CDK14: variants seen among roughly 807,000 people sequenced by gnomAD.
CDK14 encodes the protein cyclin-dependent kinase 14.
Under a neutral mutation model 60.7 loss-of-function variants are expected in CDK14, and 34 were observed. The observed-to-expected ratio is 0.56, with a 90% confidence interval of 0.43 to 0.75. The LOEUF (loss-of-function observed/expected upper bound fraction) is 0.75. Ranked by LOEUF, CDK14 falls within the 30% of genes least tolerant of loss-of-function variation. The pLI is 0.00. For synonymous variants in CDK14, 197 were observed against 203.7 expected (o/e 0.97, Z 0.28); for missense variants, 482 against 564.1 (o/e 0.85, Z 1.47).
chr7:91,003,480 G>A (rs144362299), intron 10 of CDK14, among the ~76,000 whole-genome samples: 7 of 152,228 alleles, frequency 4.6e-5, no homozygotes, highest in African/African-American at 1.2e-4. Context: ...AAAATAAATC[G>A]TTTGTTCCTT....
At chr7:90,863,059 C>A (rs542061753) in intron 5 of CDK14, 116 bp from the exon 6 acceptor site, 2 of 548,352 alleles carry the variant, frequency 3.6e-6, no homozygotes, top group African/African-American at 2.0e-5. Context: ...TTGTTATTGA[C>A]TTGGAACATG....
intron 11 of CDK14, among the ~76,000 whole-genome samples, chr7:91,057,105 C>A (rs1432805703): frequency 3.3e-5 from 5 of 152,276 alleles, no homozygotes; most frequent in African/African-American, 1.2e-4. Flanking sequence ...GCCATTCTAA[C>A]TGGTGTGAGA....
intron 4 of CDK14, among the ~76,000 whole-genome samples, chr7:90,780,501 T>G (rs1231116969): frequency 2.0e-5 from 3 of 151,042 alleles, no homozygotes; most frequent in South Asian, 4.2e-4. Context: ...TGTATACATG[T>G]GCCATGTTGG....
chr7:90,747,272 T>A (rs746919574), intron 3 of CDK14, among the ~76,000 whole-genome samples: 8 of 152,212 alleles, frequency 5.3e-5, no homozygotes, highest in Non-Finnish European at 1.0e-4. Flanking sequence ...GGCCACAGTT[T>A]GCCAGCTCCT....
intron 8 of CDK14, among the ~76,000 whole-genome samples, chr7:90,946,628 C>G (rs1013710581): frequency 1.3e-5 from 2 of 152,080 alleles, no homozygotes; most frequent in African/African-American, 2.4e-5. Context: ...CCTCTTAGTT[C>G]ATGTTTGAAA....
intron 7 of CDK14, 92 bp from the exon 8 acceptor site, chr7:90,917,509 C>T (rs919062069): frequency 8.1e-6 from 10 of 1,229,310 alleles, no homozygotes; most frequent in South Asian, 3.9e-5. Context: ...ACCCATTTTC[C>T]CTAAATATTA....
At chr7:91,039,697 C>T (rs1427932042) in intron 10 of CDK14, among the ~76,000 whole-genome samples, 1 of 152,100 alleles carries the variant, frequency 6.6e-6, no homozygotes, top group Non-Finnish European at 1.5e-5. Context: ...TGTCCTTGGC[C>T]ACTCTTATAA....
At chr7:90,723,408 AAGGTTGTTTGCAGGCC>A (rs1802526394) in intron 2 of CDK14, among the ~76,000 whole-genome samples, 3 of 152,058 alleles carry the variant, frequency 2.0e-5, no homozygotes. Context: ...CTTGACTCAC[AAGGTTGTTTGCAGGCC>A]CTAGTCTTTC....
chr7:90,671,012 G>A (rs932047098), intron 2 of CDK14, among the ~76,000 whole-genome samples: 8 of 152,122 alleles, frequency 5.3e-5, no homozygotes, highest in Non-Finnish European at 8.8e-5. Flanking sequence ...AAAGAATAGG[G>A]GAGGTTTTTA....
Position 90,955,816 on chromosome 7 carries a change from T to G in CDK14, c.946T>G (p.Trp316Gly). The G allele has an allele frequency of 3.7e-6, 6 of 1,612,830 alleles. No homozygotes were observed. Among genetic ancestry groups the G allele is most frequent in the Non-Finnish European group, 5.1e-6 (6 of 1,179,104 alleles). The part of the protein sequence containing the change: ...STEYSTCLDM[W>G]GVGCIFVEMI... Reference sequence around the variant, plus strand: ...AGAATATTCCACCTGCCTTGACATGTGGTGAGAAATGGAAGCTTTACTCTA... The same window carrying G: ...AGAATATTCCACCTGCCTTGACATGGGGTGAGAAATGGAAGCTTTACTCTA... The change falls in exon 9 of 15, where the codon TGG becomes GGG. Residue 316 changes from tryptophan (W) to glycine (G), a missense_variant and splice_region_variant. Transcript: ENST00000380050.
At position 91,102,157 on chromosome 7, in the gene CDK14, A is replaced by G. The variant is rs573382137; in HGVS notation, c.1155-10385A>G. Among the ~76,000 whole-genome samples, 14 of 152,258 alleles carry G rather than the reference A, an allele frequency of 9.2e-5. 1 individual carries two copies. The highest frequency in any genetic ancestry group is 5.8e-4 in the East Asian group (3 of 5,166). On this transcript the variant is annotated intron_variant, in intron 12 of 14. Transcript: ENST00000380050. Reference sequence around the variant, plus strand: ...CTTGCCACAGAGATGTGCACTGTCAATTGAAGGGATCCAGGCTCTGTGGCT... The same window carrying G: ...CTTGCCACAGAGATGTGCACTGTCAGTTGAAGGGATCCAGGCTCTGTGGCT...
intron 4 of CDK14, among the ~76,000 whole-genome samples, chr7:90,764,032 C>A (rs528221085): frequency 6.6e-6 from 1 of 151,654 alleles, no homozygotes; most frequent in African/African-American, 2.4e-5. Flanking sequence ...TGCCAAAAAC[C>A]GAAATTTGAT....
rs530364796 is a variant in CDK14 at position 91,170,608 on chromosome 7, T to C, written c.*29-36557T>C. Among the ~76,000 whole-genome samples, 20 of 152,254 alleles carry C rather than the reference T, an allele frequency of 1.3e-4. 1 individual carries two copies. In the South Asian group the frequency reaches 4.1e-3, roughly 32 times the overall value. ...ATAAATCATTTCCCCTCAGTGAAAATTGATTTGTTAATTAAAAATAATTTT... is the reference window on the plus strand; with the variant it reads ...ATAAATCATTTCCCCTCAGTGAAAACTGATTTGTTAATTAAAAATAATTTT... On this transcript the variant is annotated intron_variant, in intron 14 of 14. Coordinates refer to ENST00000380050, the MANE Select transcript of CDK14 (RefSeq NM_001287135.2).
At chr7:91,127,885 C>T (rs1050735335) in intron 14 of CDK14, among the ~76,000 whole-genome samples, 1 of 152,160 alleles carries the variant, frequency 6.6e-6, no homozygotes, top group African/African-American at 2.4e-5. Context: ...TGTATTCATA[C>T]TAAACTCCAA....
chr7:91,080,685 G>A (rs991189130), intron 12 of CDK14, among the ~76,000 whole-genome samples: 6 of 152,136 alleles, frequency 3.9e-5, no homozygotes, highest in African/African-American at 9.7e-5. Flanking sequence ...TTAATTAAAT[G>A]ATCAAACACA....
chr7:90,675,240 C>T (rs185291954), intron 2 of CDK14, among the ~76,000 whole-genome samples: 1 of 151,822 alleles, frequency 6.6e-6, no homozygotes, highest in Non-Finnish European at 1.5e-5. Context: ...TTTCATTTAT[C>T]TGCATGTCTA....
chr7:90,964,501 C>G (rs1794699418), intron 9 of CDK14, among the ~76,000 whole-genome samples: 1 of 152,136 alleles, frequency 6.6e-6, no homozygotes, highest in Admixed American at 6.5e-5. Context: ...TAAGTATAAC[C>G]TATAACTAAC....
At chr7:91,167,405 A>T (rs1033926195) in intron 14 of CDK14, among the ~76,000 whole-genome samples, 3 of 152,244 alleles carry the variant, frequency 2.0e-5, no homozygotes, top group Non-Finnish European at 2.9e-5. Flanking sequence ...CACCTGGATA[A>T]ATGTCAACAT....
At chr7:90,947,548 G>A (rs1283424356) in intron 8 of CDK14, among the ~76,000 whole-genome samples, 2 of 152,158 alleles carry the variant, frequency 1.3e-5, no homozygotes, top group Non-Finnish European at 1.5e-5. Context: ...AACCATTAGA[G>A]TACCTAACAG....
Sources: gnomAD v4.1 joint callset for allele counts (sites outside exome capture counted in the v4.1 genomes callset) on GRCh38, gnomAD v4.1.1 for gene constraint, MANE v1.5 for transcripts, NCBI Gene and HGNC (gene_info 2026-07-23, HGNC 2026-07-21) for gene names.